Variants in PVT1 observed in about 807,000 individuals in gnomAD.
The protein encoded by PVT1 is Pvt1 oncogene, also known as CXCR4/PVT1 fusion.
intron 4 of PVT1, among the ~76,000 whole-genome samples, chr8:128,051,880 T>C (rs1318731527): frequency 6.6e-6 from 1 of 152,256 alleles, no homozygotes; most frequent in Non-Finnish European, 1.5e-5. Flanking sequence ...AAGTTGAGTT[T>C]CTTCAAGACA....
At chr8:127,902,104 C>T (rs1291222745) in intron 3 of PVT1, among the ~76,000 whole-genome samples, 1 of 152,210 alleles carries the variant, frequency 6.6e-6, no homozygotes, top group Non-Finnish European at 1.5e-5. Context: ...TAACCCTCCA[C>T]TGAGGAGTAA....
intron 3 of PVT1, among the ~76,000 whole-genome samples, chr8:127,941,524 T>C (rs1172159814): frequency 6.6e-6 from 1 of 152,220 alleles, no homozygotes; most frequent in Non-Finnish European, 1.5e-5. Flanking sequence ...TTTGGCAGCA[T>C]TGAATTGTTG....
rs1814936154 is a variant in PVT1, at chr8:127,838,730, G to C, written n.372+42659G>C. Among the ~76,000 whole-genome samples the C allele has an allele frequency of 1.3e-5, 2 of 152,198 alleles. 1 individual carries two copies. Among genetic ancestry groups the C allele is most frequent in the South Asian group, 4.1e-4 (2 of 4,822 alleles). On this transcript the variant is annotated intron_variant and non_coding_transcript_variant, in intron 2 of 10. Transcript: ENST00000651587. Reference sequence around the variant, plus strand: ...ATGATAGTAATAAATAATAATGGTAGCTTCTATTTATTGTTTACTACTATG... The same window carrying C: ...ATGATAGTAATAAATAATAATGGTACCTTCTATTTATTGTTTACTACTATG...
chr8:127,894,774 G>C (rs780658567), intron 3 of PVT1, among the ~76,000 whole-genome samples: 13 of 152,012 alleles, frequency 8.6e-5, no homozygotes, highest in Non-Finnish European at 1.5e-4. Context: ...TGGGGCACCG[G>C]TAATTGTTTC....
At chr8:127,819,637 C>T (rs1012119576) in intron 2 of PVT1, among the ~76,000 whole-genome samples, 12 of 152,102 alleles carry the variant, frequency 7.9e-5, no homozygotes, top group Non-Finnish European at 1.3e-4. Flanking sequence ...GGAAGAGCCT[C>T]GGGATAAGTC....
At chr8:128,068,384 G>A (rs777344045) in intron 4 of PVT1, among the ~76,000 whole-genome samples, 2 of 152,092 alleles carry the variant, frequency 1.3e-5, no homozygotes, top group Non-Finnish European at 2.9e-5. Context: ...GAGGAAAATA[G>A]CACATCAGTG....
rs68010926 is a variant in PVT1 at position 127,970,289 on chromosome 8, G to GTTTTTTTTTTTTTTTTTTTT, written n.783-18866_783-18847dup. 2.9e-4 allele frequency among the ~76,000 whole-genome samples: 14 copies of GTTTTTTTTTTTTTTTTTTTT among 49,120 alleles called. 6 individuals carry two copies. Among genetic ancestry groups the GTTTTTTTTTTTTTTTTTTTT allele is most frequent in the Middle Eastern group, 0.059 (2 of 34 alleles). 32.2% of individuals were successfully genotyped at this position (49,120 alleles called of 152,430 possible). On this transcript the variant is annotated intron_variant and non_coding_transcript_variant, in intron 3 of 10. Coordinates refer to ENST00000651587, the Ensembl canonical transcript of PVT1. ...CATTCCTCTCCATCTGCCATGATTT[G>GTTTTTTTTTTTTTTTTTTTT]TTTTTTTTTTTTTTTTTTTTTTTTT...
intron 4 of PVT1, among the ~76,000 whole-genome samples, chr8:128,043,568 CT>C (rs1396544984): frequency 1.3e-5 from 2 of 152,156 alleles, no homozygotes; most frequent in African/African-American, 2.4e-5. Flanking sequence ...GCCCATCCCC[CT>C]GGGATTGATC....
intron 4 of PVT1, among the ~76,000 whole-genome samples, chr8:127,995,333 C>T (rs917652545): frequency 1.6e-4 from 24 of 152,198 alleles, no homozygotes; most frequent in African/African-American, 5.5e-4. Context: ...CTTGCTCAGA[C>T]ATCAGTTAGG....
At chr8:128,023,068 A>G (rs1001053456) in intron 4 of PVT1, among the ~76,000 whole-genome samples, 5 of 152,004 alleles carry the variant, frequency 3.3e-5, no homozygotes, top group African/African-American at 1.2e-4. Flanking sequence ...GAGTTTCACC[A>G]TGTTGGCTAG....
At chr8:128,068,656 C>T (rs1199662346) in intron 4 of PVT1, among the ~76,000 whole-genome samples, 1 of 152,108 alleles carries the variant, frequency 6.6e-6, no homozygotes, top group African/African-American at 2.4e-5. Flanking sequence ...CCACCACACC[C>T]AGCTAATTTT....
At chr8:127,809,365 G>A (rs908611311) in intron 2 of PVT1, among the ~76,000 whole-genome samples, 2 of 152,024 alleles carry the variant, frequency 1.3e-5, no homozygotes, top group Non-Finnish European at 2.9e-5. Flanking sequence ...CTAATGTTTT[G>A]TTTTTAATTT....
rs564832495 is a variant in PVT1 at position 127,847,955 on chromosome 8, G to A, written n.373-42634G>A. Among the ~76,000 whole-genome samples, 282 of 152,212 alleles carry A rather than the reference G, an allele frequency of 1.9e-3. 2 individuals carry two copies. The highest frequency in any genetic ancestry group is 6.1e-3 in the African/African-American group (253 of 41,534). ...GTTTCACTCTGTGGCCCAGGCTGGA[G>A]TGCAGTGGTGTGATCATAGCTTGCT... is the stretch of plus-strand genomic sequence containing the variant. On this transcript the variant is annotated intron_variant and non_coding_transcript_variant, in intron 2 of 10. Coordinates refer to ENST00000651587, the Ensembl canonical transcript of PVT1.
At chr8:127,929,940 T>G (rs992364590) in intron 3 of PVT1, among the ~76,000 whole-genome samples, 1 of 152,208 alleles carries the variant, frequency 6.6e-6, no homozygotes, top group South Asian at 2.1e-4. Flanking sequence ...CTGTGTCAGC[T>G]TCCTGATCTT....
intron 3 of PVT1, among the ~76,000 whole-genome samples, chr8:127,897,020 C>A (rs1264904765): frequency 6.6e-6 from 1 of 152,168 alleles, no homozygotes; most frequent in Middle Eastern, 3.2e-3. Context: ...ATGAAGATTG[C>A]AGCCCCCTCC....
intron 2 of PVT1, among the ~76,000 whole-genome samples, chr8:127,824,799 A>G (rs1814768725): frequency 6.6e-6 from 1 of 152,046 alleles, no homozygotes; most frequent in Non-Finnish European, 1.5e-5. Context: ...CTTTCTCCCA[A>G]TTTTATCTGC....
chr8:128,041,207 A>ATG (rs769436938), intron 4 of PVT1, among the ~76,000 whole-genome samples: 1 of 56,384 alleles, frequency 1.8e-5, no homozygotes, highest in Non-Finnish European at 4.1e-5. Flanking sequence ...GTGTGTTTGC[A>ATG]TGTGTGTTTG....
chr8:128,094,537 C>A (rs922403794), intron 5 of PVT1, among the ~76,000 whole-genome samples: 1 of 152,154 alleles, frequency 6.6e-6, no homozygotes, highest in Non-Finnish European at 1.5e-5. Context: ...CCCAGAAAAC[C>A]AAAATATTTA....
chr8:127,881,014 T>C (rs1278258705), intron 2 of PVT1, among the ~76,000 whole-genome samples: 2 of 152,222 alleles, frequency 1.3e-5, no homozygotes, highest in African/African-American at 2.4e-5. Context: ...CTCTAAGCAA[T>C]GTACCTTGCA....
Sources: gnomAD v4.1 joint callset for allele counts (sites outside exome capture counted in the v4.1 genomes callset) on GRCh38, gnomAD v4.1.1 for gene constraint, MANE v1.5 for transcripts, NCBI Gene and HGNC (gene_info 2026-07-23, HGNC 2026-07-21) for gene names.